ACSS3: variants seen among roughly 807,000 people sequenced by gnomAD.
ACSS3 encodes acyl-CoA synthetase short chain family member 3.
Under a neutral mutation model 84.2 loss-of-function variants are expected in ACSS3, and 64 were observed. The ratio of observed to expected loss-of-function variants is 0.76; its 90% confidence interval spans 0.62 to 0.94. The LOEUF (loss-of-function observed/expected upper bound fraction) is 0.94, where lower values mean the gene tolerates loss of function less well. ACSS3 is among the 40% of genes least tolerant of loss of function. The pLI is 0.00. For missense variants in ACSS3, 815 were observed against 867.6 expected (o/e 0.94, Z 0.76); for synonymous variants, 317 against 310.1 (o/e 1.02, Z -0.23).
At chr12:81,211,162 G>A (rs1300209471) in intron 9 of ACSS3, among the ~76,000 whole-genome samples, 1 of 151,706 alleles carries the variant, frequency 6.6e-6, no homozygotes, top group African/African-American at 2.4e-5. Flanking sequence ...TTGTGTTTTT[G>A]TAAGATGGGG....
chr12:81,200,445 T>C (rs1378810270), intron 9 of ACSS3, among the ~76,000 whole-genome samples: 3 of 152,352 alleles, frequency 2.0e-5, no homozygotes, highest in East Asian at 3.9e-4. Flanking sequence ...GAGATTACTT[T>C]GCAAAAAATT....
At chr12:81,215,848 G>A (rs2032892255) in intron 9 of ACSS3, among the ~76,000 whole-genome samples, 1 of 150,772 alleles carries the variant, frequency 6.6e-6, no homozygotes. Context: ...TGGTAATCAG[G>A]TAATAGCTAA....
At chr12:81,178,833 G>C (rs537514856) in intron 8 of ACSS3, among the ~76,000 whole-genome samples, 1 of 152,030 alleles carries the variant, frequency 6.6e-6, no homozygotes, top group Non-Finnish European at 1.5e-5. Flanking sequence ...AGCTCAAATA[G>C]CCAAAGCAAT....
intron 2 of ACSS3, among the ~76,000 whole-genome samples, chr12:81,125,146 G>A (rs908761798): frequency 2.6e-5 from 4 of 152,146 alleles, no homozygotes; most frequent in Admixed American, 6.5e-5. Flanking sequence ...TCCGGGAGGC[G>A]GAGCTTGCAG....
rs2032987373 is a variant in ACSS3, at chr12:81,218,128, G to A, written c.1450+1132G>A. Among the ~76,000 whole-genome samples, 4 of 152,186 alleles carry A rather than the reference G, an allele frequency of 2.6e-5. 1 individual carries two copies. In the Middle Eastern group the frequency reaches 0.014, roughly 518 times the overall value. On this transcript the variant is annotated intron_variant, in intron 10 of 15. Transcript: ENST00000548058. ...CAGGGCTTCTGTTTTGTGATGTTAT[G>A]CAATAAAGCATTAACACAGTGCCTA... is the stretch of plus-strand genomic sequence containing the variant.
chr12:81,172,409 A>G (rs1339179412), intron 7 of ACSS3, among the ~76,000 whole-genome samples: 2 of 152,074 alleles, frequency 1.3e-5, no homozygotes, highest in Non-Finnish European at 2.9e-5. Flanking sequence ...GTATGAGCAC[A>G]TCCCAGCACA....
chr12:81,111,365 C>A (rs962958771), intron 2 of ACSS3, among the ~76,000 whole-genome samples: 2 of 152,146 alleles, frequency 1.3e-5, no homozygotes, highest in East Asian at 3.9e-4. Context: ...AAAGAAGAGA[C>A]CCAGAGCCCC....
intron 7 of ACSS3, among the ~76,000 whole-genome samples, chr12:81,157,878 A>C (rs12320347): frequency 0.028 from 4,248 of 152,042 alleles, 202 homozygotes; most frequent in African/African-American, 0.096. Flanking sequence ...GGGTAGAAAT[A>C]AAATTGTCTT....
chr12:81,188,326 A>T (rs546707848), intron 8 of ACSS3, among the ~76,000 whole-genome samples: 1 of 152,156 alleles, frequency 6.6e-6, no homozygotes, highest in African/African-American at 2.4e-5. Context: ...AAGTAGAAGT[A>T]ATTTAATAGG....
intron 2 of ACSS3, among the ~76,000 whole-genome samples, chr12:81,121,697 T>G (rs889275715): frequency 5.9e-5 from 9 of 152,024 alleles, no homozygotes; most frequent in Non-Finnish European, 1.2e-4. Context: ...AATGACTGAT[T>G]GTAAAGTGTG....
intron 10 of ACSS3, among the ~76,000 whole-genome samples, chr12:81,217,348 T>C (rs1039348998): frequency 2.0e-5 from 3 of 152,158 alleles, no homozygotes; most frequent in Non-Finnish European, 4.4e-5. Flanking sequence ...ATTACTATTT[T>C]AGAGATGAGT....
intron 2 of ACSS3, among the ~76,000 whole-genome samples, chr12:81,118,736 C>T (rs945252435): frequency 2.0e-5 from 3 of 152,126 alleles, no homozygotes; most frequent in African/African-American, 7.2e-5. Flanking sequence ...AGAACAAAGG[C>T]TTCAGTGAGG....
chr12:81,214,950 G>C (rs1413777576), intron 9 of ACSS3, among the ~76,000 whole-genome samples: 1 of 152,200 alleles, frequency 6.6e-6, no homozygotes, highest in East Asian at 1.9e-4. Flanking sequence ...ATGTGTCTGA[G>C]AAGCTTCTCT....
At position 81,148,897 on chromosome 12, in the gene ACSS3, TA is replaced by T. The variant is rs397851051; in HGVS notation, c.922-2922del. On this transcript the variant is annotated intron_variant, in intron 5 of 15. Coordinates refer to ENST00000548058, the MANE Select transcript of ACSS3 (RefSeq NM_024560.4). ...TAGCACGGTGAAACCCTGCCTCTAC[TA>T]AAAAAAAAAAAAAAAAAAAAAAAAT... is the stretch of plus-strand genomic sequence containing the variant. 4.6e-3 allele frequency among the ~76,000 whole-genome samples: 379 copies of T among 81,808 alleles called. 1 individual carries two copies. Among genetic ancestry groups the T allele is most frequent in the African/African-American group, 0.014 (266 of 19,646 alleles). 53.7% of individuals were successfully genotyped at this position (81,808 alleles called of 152,430 possible). A position where few individuals can be genotyped will look rare whatever the true frequency, so the allele number is the denominator to read the frequency against.
intron 7 of ACSS3, among the ~76,000 whole-genome samples, chr12:81,161,909 G>C (rs566672939): frequency 2.0e-5 from 3 of 152,314 alleles, no homozygotes; most frequent in South Asian, 4.1e-4. Context: ...GTCTGGACGA[G>C]GGAAACATGG....
intron 10 of ACSS3, 39 bp downstream of exon 10, chr12:81,217,035 T>G: frequency 6.4e-7 from 1 of 1,562,340 alleles, no homozygotes; most frequent in African/African-American, 1.4e-5. Flanking sequence ...GTTAATAAAT[T>G]TGGCATTTTC....
chr12:81,199,628 G>T (rs1322072377), intron 9 of ACSS3, 184 bp downstream of exon 9: 5 of 1,498,140 alleles, frequency 3.3e-6, no homozygotes, highest in Non-Finnish European at 4.5e-6. Context: ...CTTCATAAGT[G>T]ACATTGATGC....
At position 81,255,085 on chromosome 12, in the gene ACSS3, A is replaced by G; in HGVS notation, c.*163A>G. On this transcript the variant is annotated 3_prime_UTR_variant, in exon 16 of 16. Coordinates refer to ENST00000548058, the MANE Select transcript of ACSS3 (RefSeq NM_024560.4). ...CAAATCTAATGAAAACATGTGAAAG[A>G]CCTGTGCCTTTTTTTTGGTTTGACC... 3 of 630,952 alleles carry G rather than the reference A, an allele frequency of 4.8e-6. No individual in the cohort carries two copies. The highest frequency in any genetic ancestry group is 7.6e-6 in the Non-Finnish European group (3 of 396,236). 39.1% of individuals were successfully genotyped at this position (630,952 alleles called of 1,614,324 possible). A position where few individuals can be genotyped will look rare whatever the true frequency, so the allele number is the denominator to read the frequency against.
intron 9 of ACSS3, among the ~76,000 whole-genome samples, chr12:81,206,435 C>T (rs1053887994): frequency 6.6e-6 from 1 of 152,100 alleles, no homozygotes. Flanking sequence ...TAACTACTGT[C>T]TGATACATCT....
Sources: allele counts gnomAD v4.1 joint callset (sites outside exome capture counted in the v4.1 genomes callset), GRCh38; gene constraint gnomAD v4.1.1; transcripts MANE v1.5; gene names NCBI Gene and HGNC (gene_info 2026-07-23, HGNC 2026-07-21).